Variants in SLC4A4 observed in about 807,000 individuals in gnomAD.
The protein encoded by SLC4A4 is solute carrier family 4 member 4.
Under a neutral mutation model 111.5 loss-of-function variants are expected in SLC4A4, and 27 were observed. That is an observed-to-expected ratio of 0.24 (90% CI 0.18 to 0.33). The LOEUF (loss-of-function observed/expected upper bound fraction) is 0.33. Among genes scored for constraint, SLC4A4 ranks in the 10% least tolerant of loss-of-function variants. The probability of loss-of-function intolerance (pLI) is 1.00; values close to 1 mark genes in which losing one functional copy is unlikely to be tolerated. For missense variants in SLC4A4, 909 were observed against 1,315.5 expected (o/e 0.69, Z 4.78); for synonymous variants, 443 against 463.4 (o/e 0.96, Z 0.57).
At chr4:71,063,695 T>C (rs996307771) in intron 1 of SLC4A4, among the ~76,000 whole-genome samples, 2 of 152,090 alleles carry the variant, frequency 1.3e-5, no homozygotes, top group Non-Finnish European at 2.9e-5. Context: ...TGTTCCAAAG[T>C]TGGTATTTTT....
intron 20 of SLC4A4, among the ~76,000 whole-genome samples, chr4:71,550,750 C>A (rs1239147339): frequency 6.6e-6 from 1 of 151,898 alleles, no homozygotes; most frequent in African/African-American, 2.4e-5. Context: ...CTCAGATGAT[C>A]CTAGTAATTT....
At chr4:71,321,116 A>G (rs1383560181) in intron 3 of SLC4A4, among the ~76,000 whole-genome samples, 1 of 152,040 alleles carries the variant, frequency 6.6e-6, no homozygotes, top group Non-Finnish European at 1.5e-5. Flanking sequence ...AGCACACTTC[A>G]ATAGAAAATT....
chr4:71,557,871 A>G lies in SLC4A4; in HGVS notation c.2923A>G (p.Ile975Val). Residue 975 changes from isoleucine (I) to valine (V), a missense_variant, in exon 22 of 26, where the codon ATT becomes GTT. Ile to Val is a conservative substitution (Grantham distance 29). This residue lies in a region of SLC4A4 where 104 missense variants were observed against 219.5 expected (regional missense o/e 0.47). Coordinates refer to ENST00000264485, the MANE Select transcript of SLC4A4 (RefSeq NM_001098484.3). ...WILKSTVAAI[I>V]FPVMILALVA... ...CCTCAAGTCAACGGTGGCTGCTATC[A>G]TTTTTCCAGTAATGGTAGGGATTCC... The G allele has an allele frequency of 6.2e-7, 1 of 1,611,402 alleles. No individual in the cohort carries two copies. The highest frequency in any genetic ancestry group is 8.5e-7 in the Non-Finnish European group (1 of 1,178,290).
intron 1 of SLC4A4, among the ~76,000 whole-genome samples, chr4:71,231,950 A>G (rs1294967646): frequency 1.3e-5 from 2 of 152,206 alleles, no homozygotes; most frequent in East Asian, 1.9e-4. Flanking sequence ...CACGAACCCA[A>G]ATAATTGACA....
intron 7 of SLC4A4, among the ~76,000 whole-genome samples, chr4:71,425,920 G>A (rs1397519732): frequency 6.6e-6 from 1 of 152,034 alleles, no homozygotes; most frequent in Non-Finnish European, 1.5e-5. Flanking sequence ...ACTTAAAAAG[G>A]TGCCAGAAGA....
At chr4:71,533,603 T>G (rs2364536) in intron 17 of SLC4A4, among the ~76,000 whole-genome samples, 25,950 of 151,910 alleles carry the variant, frequency 0.17, 2,424 homozygotes, top group East Asian at 0.4. Flanking sequence ...AGTTTTTTTT[T>G]GTGATTTTCC....
intron 11 of SLC4A4, among the ~76,000 whole-genome samples, chr4:71,451,910 G>A (rs1014669485): frequency 2.0e-5 from 3 of 152,302 alleles, no homozygotes; most frequent in African/African-American, 7.2e-5. Flanking sequence ...ATATAGGAAT[G>A]AGTTCTCACT....
At chr4:71,062,735 C>T (rs1170035066) in exon 1 of SLC4A4, among the ~76,000 whole-genome samples, 2 of 152,126 alleles carry the variant, frequency 1.3e-5, no homozygotes, top group East Asian at 3.9e-4. Flanking sequence ...TTTGATTTTT[C>T]AGACGACATT....
At position 71,295,158 on chromosome 4, in the gene SLC4A4, T is replaced by G. The variant is rs192752563; in HGVS notation, c.253+39759T>G. Among the ~76,000 whole-genome samples, 4 of 152,322 alleles carry G rather than the reference T, an allele frequency of 2.6e-5. No homozygotes were observed. The East Asian group carries it at 5.8e-4, about 22-fold the overall frequency. On this transcript the variant is annotated intron_variant, in intron 3 of 25. Transcript: ENST00000264485. ...AATTGGGAATGTAGATCATTGGAGA[T>G]GGACTGAATTTAGGAACATCATGGT...
At chr4:71,110,685 A>C (rs1743061075) in intron 2 of SLC4A4, among the ~76,000 whole-genome samples, 2 of 152,154 alleles carry the variant, frequency 1.3e-5, no homozygotes, top group Non-Finnish European at 2.9e-5. Flanking sequence ...TATGCTTACT[A>C]AGGCTATCCA....
At chr4:71,227,303 A>T (rs942606579) in intron 1 of SLC4A4, among the ~76,000 whole-genome samples, 1 of 152,216 alleles carries the variant, frequency 6.6e-6, no homozygotes, top group Non-Finnish European at 1.5e-5. Flanking sequence ...ACCTGAGCTT[A>T]CGTTTCATGT....
At position 71,180,004 on chromosome 4, in the gene SLC4A4, A is replaced by C. The variant is rs568181803; in HGVS notation, c.-1-56572A>C. Among the ~76,000 whole-genome samples, 8 of 152,330 alleles carry C rather than the reference A, an allele frequency of 5.3e-5. No individual in the cohort carries two copies. The East Asian group carries it at 1.5e-3, about 29-fold the overall frequency. On this transcript the variant is annotated intron_variant, in intron 2 of 26. Coordinates refer to the SLC4A4 transcript ENST00000649996. ...AAATGGTACTGGTACCAAAACAGAG[A>C]TATAGATCAATGGAACAGAACAGAG... is the stretch of plus-strand genomic sequence containing the variant.
chr4:71,156,588 G>GCTCGCGCACACACACACACACACACA (rs376043069), intron 2 of SLC4A4, among the ~76,000 whole-genome samples: 3 of 138,512 alleles, frequency 2.2e-5, no homozygotes, highest in African/African-American at 8.2e-5. Context: ...GCGCGCGCGC[G>GCTCGCGCACACACACACACACACACA]CACACACACA....
intron 2 of SLC4A4, among the ~76,000 whole-genome samples, chr4:71,106,769 G>T (rs28772721): frequency 0.024 from 2,879 of 118,530 alleles, 50 homozygotes; most frequent in Middle Eastern, 0.047. Context: ...TCTGGGGACT[G>T]TTGTGGGGTG....
intron 2 of SLC4A4, among the ~76,000 whole-genome samples, chr4:71,137,650 G>C (rs926076558): frequency 6.6e-6 from 1 of 152,130 alleles, no homozygotes; most frequent in Non-Finnish European, 1.5e-5. Context: ...ACAATCTTAG[G>C]ATAGAAAATT....
chr4:71,557,798 C>G lies in SLC4A4; in HGVS notation c.2850C>G (p.Val950=). ...TGCGTCATGTTCCTCTGCGCAGAGT[C>G]CACCTGTTCACTTTCCTGCAGGTGT... ...IYLRHVPLRR[V]HLFTFLQVLC... The change falls in exon 22 of 26, where the codon GTC becomes GTG. Residue 950 remains valine, a synonymous_variant. Coordinates refer to ENST00000264485, the MANE Select transcript of SLC4A4 (RefSeq NM_001098484.3). The G allele has an allele frequency of 6.2e-7, 1 of 1,612,610 alleles. No homozygotes were observed. Among genetic ancestry groups the G allele is most frequent in the East Asian group, 2.2e-5 (1 of 44,726 alleles).
intron 1 of SLC4A4, among the ~76,000 whole-genome samples, chr4:71,187,699 A>G (rs1181143343): frequency 6.6e-6 from 1 of 152,096 alleles, no homozygotes; most frequent in African/African-American, 2.4e-5. Flanking sequence ...GGGCGTCTTT[A>G]CGAGGACTGC....
At chr4:71,459,496 A>T (rs1392407450) in intron 12 of SLC4A4, among the ~76,000 whole-genome samples, 2 of 152,008 alleles carry the variant, frequency 1.3e-5, no homozygotes, top group East Asian at 3.9e-4. Context: ...TATTTCATGG[A>T]TGTCTTTCCA....
intron 3 of SLC4A4, among the ~76,000 whole-genome samples, chr4:71,287,539 G>A (rs967396645): frequency 2.6e-5 from 4 of 152,168 alleles, no homozygotes; most frequent in African/African-American, 9.7e-5. Flanking sequence ...TCATGCTCAT[G>A]CCTTTGGCAG....
Sources: gnomAD v4.1 joint callset for allele counts (sites outside exome capture counted in the v4.1 genomes callset) on GRCh38, gnomAD v4.1.1 for gene constraint, gnomAD v4.1.1 regional missense constraint, MANE v1.5 for transcripts, NCBI Gene and HGNC (gene_info 2026-07-23, HGNC 2026-07-21) for gene names.